MLXIPL: variants seen among roughly 807,000 people sequenced by gnomAD.
MLXIPL encodes the protein carbohydrate-responsive element-binding protein.
A neutral mutation model predicts 81.5 loss-of-function variants in MLXIPL; 49 were observed. That is an observed-to-expected ratio of 0.60 (90% CI 0.48 to 0.76). The LOEUF (loss-of-function observed/expected upper bound fraction) is 0.76, where lower values mean the gene tolerates loss of function less well. Ranked by LOEUF, MLXIPL falls within the 30% of genes least tolerant of loss-of-function variation. MLXIPL has a pLI of 0.00. For synonymous variants in MLXIPL, 466 were observed against 485.5 expected (o/e 0.96, Z 0.53); for missense variants, 1,053 against 1,167.0 (o/e 0.90, Z 1.42).
the MLXIPL span, among the ~76,000 whole-genome samples, chr7:73,643,058 A>T: frequency 1.3e-5 from 2 of 152,148 alleles, no homozygotes; most frequent in Non-Finnish European, 2.9e-5. Flanking sequence ...AGCCACAGTC[A>T]AAGACCACAA....
At chr7:73,644,957 G>A in the MLXIPL span, among the ~76,000 whole-genome samples, 1 of 152,180 alleles carries the variant, frequency 6.6e-6, no homozygotes, top group East Asian at 1.9e-4. Flanking sequence ...TAATGGGGCT[G>A]AATATGGGAC....
In MLXIPL at chr7:73,623,374, C is replaced by G. The variant is rs1168411038; in HGVS notation, c.293+826G>C. Among the ~76,000 whole-genome samples the G allele has an allele frequency of 6.6e-6, 1 of 152,216 alleles. No individual in the cohort carries two copies. Among genetic ancestry groups the G allele is most frequent in the Non-Finnish European group, 1.5e-5 (1 of 68,046 alleles). ...CCCCTCAACTCCGGGGAACTTTGCT[C>G]CAGGGCACTGGGCCAGGCCTCGGGT... is the stretch of plus-strand genomic sequence containing the variant. On this transcript the variant is annotated intron_variant, in intron 1 of 16. Transcript: ENST00000313375. This position sits in a 1 kb window ranked among gnomAD's most constrained non-coding sequence, Gnocchi z 5.7.
intron 1 of MLXIPL, among the ~76,000 whole-genome samples, chr7:73,621,726 GCTCC>G (rs1195918466): frequency 1.6e-4 from 4 of 24,582 alleles, no homozygotes; most frequent in Admixed American, 5.4e-4. Context: ...TCTCTCTCCA[GCTCC>G]CTCCCTCCCT....
the MLXIPL span, among the ~76,000 whole-genome samples, chr7:73,630,764 G>A: frequency 2.0e-5 from 3 of 152,166 alleles, no homozygotes; most frequent in Admixed American, 6.6e-5. Flanking sequence ...GATGTGGTAC[G>A]AGCAGACACT....
At chr7:73,604,600 A>G (rs1293577848) in intron 7 of MLXIPL, among the ~76,000 whole-genome samples, 3 of 152,016 alleles carry the variant, frequency 2.0e-5, no homozygotes, top group Non-Finnish European at 2.9e-5. Flanking sequence ...AAATAAAATA[A>G]AATAGAAACA....
chr7:73,607,556 G>C (rs782140366), intron 3 of MLXIPL, 34 bp downstream of exon 3: 16 of 1,605,818 alleles, frequency 1.0e-5, no homozygotes, highest in Non-Finnish European at 1.4e-5. Context: ...GTGGGCAGGT[G>C]GGCAGGTGGG....
At chr7:73,634,752 C>T in the MLXIPL span, among the ~76,000 whole-genome samples, 1 of 150,956 alleles carries the variant, frequency 6.6e-6, no homozygotes, top group Non-Finnish European at 1.5e-5. Flanking sequence ...AACGAAAAAC[C>T]CACTTTTCTT....
At chr7:73,601,844 A>G (rs1794850192) in intron 7 of MLXIPL, among the ~76,000 whole-genome samples, 1 of 151,936 alleles carries the variant, frequency 6.6e-6, no homozygotes, top group African/African-American at 2.4e-5. Context: ...GTGTGTCGTC[A>G]GTGGCTTTGC....
chr7:73,612,845 T>C (rs910295148), intron 2 of MLXIPL, among the ~76,000 whole-genome samples: 2 of 152,088 alleles, frequency 1.3e-5, no homozygotes, highest in Middle Eastern at 3.2e-3. Context: ...TTTGCACCTA[T>C]GCTGAGACAG....
At position 73,596,039 on chromosome 7, in the gene MLXIPL, G is replaced by C; in HGVS notation, c.2059-70C>G. On this transcript the variant is annotated intron_variant, in intron 13 of 16. Transcript: ENST00000313375. This position sits in a 1 kb window ranked among gnomAD's most constrained non-coding sequence, Gnocchi z 4.7. ...ACCCTGGGACCCACTGAGGCACTGG[G>C]ATGGGAGGAGGCAAGAGTGTCTGGA... 6.2e-7 allele frequency: 1 copy of C among 1,604,298 alleles called. No individual in the cohort carries two copies.
chr7:73,630,020 C>T, the MLXIPL span, among the ~76,000 whole-genome samples: 43 of 143,342 alleles, frequency 3.0e-4, no homozygotes, highest in Non-Finnish European at 4.6e-4. Flanking sequence ...ATTTATGAGA[C>T]GGAGTCTTGC....
At chr7:73,619,378 G>A (rs544396924) in intron 1 of MLXIPL, among the ~76,000 whole-genome samples, 26 of 151,006 alleles carry the variant, frequency 1.7e-4, no homozygotes, top group African/African-American at 5.3e-4. Context: ...GGAGAATGGC[G>A]TTAACCCGGG....
chr7:73,625,626 C>T (rs913605466), upstream of MLXIPL, among the ~76,000 whole-genome samples: 8 of 151,678 alleles, frequency 5.3e-5, no homozygotes, highest in Admixed American at 1.3e-4. Context: ...TGTGACGATG[C>T]GTGCTTGGCT....
At chr7:73,606,411 GTTTTCTTTTTCT>G in intron 5 of MLXIPL, 2 of 470,292 alleles carry the variant, frequency 4.3e-6, no homozygotes, top group Non-Finnish European at 7.5e-6. Flanking sequence ...TTTTTTGTTT[GTTTTCTTTTTCT>G]TTTTCTTTTT....
In MLXIPL at chr7:73,595,954, T is replaced by C; in HGVS notation, c.2074A>G (p.Thr692Ala). 7.4e-6 allele frequency: 12 copies of C among 1,612,988 alleles called. No homozygotes were observed. The highest frequency in any genetic ancestry group is 9.3e-6 in the Non-Finnish European group (11 of 1,179,994). ...ATGTACTCAGCTGTCTTCTGCAGCG[T>C]GGTAGCTTTGCTCACCTGCAGACGC... ...QPSLKVSKAT[T>A]LQKTAEYILM... Residue 692 changes from threonine (T) to alanine (A), a missense_variant, in exon 14 of 17, where the codon ACG becomes GCG. Thr to Ala is a moderately conservative substitution (Grantham distance 58). This residue lies in a region of MLXIPL where 823 missense variants were observed against 933.0 expected (regional missense o/e 0.88). Coordinates refer to ENST00000313375, the MANE Select transcript of MLXIPL (RefSeq NM_032951.3).
chr7:73,599,071 GAA>G (rs781997234), intron 8 of MLXIPL, among the ~76,000 whole-genome samples: 1,546 of 120,728 alleles, frequency 0.013, 25 homozygotes, highest in African/African-American at 0.041. Flanking sequence ...CTGTCTCAAA[GAA>G]AAAAAAAAAA....
Position 73,605,751 on chromosome 7 carries a change from C to G in MLXIPL, c.838G>C (p.Asp280His), listed in dbSNP as rs1554597763. 1 of 1,613,618 alleles carries G rather than the reference C, an allele frequency of 6.2e-7. No individual in the cohort carries two copies. Among genetic ancestry groups the G allele is most frequent in the Non-Finnish European group, 8.5e-7 (1 of 1,179,874 alleles). Residue 280 changes from aspartate to histidine, a missense_variant, in exon 7 of 17, where the codon GAC (aspartate) becomes CAC (histidine). Physicochemically the swap from Asp to His is moderately conservative, Grantham distance 81. Around this residue, in one of 3 missense-constraint regions of MLXIPL, gnomAD observed 823 missense variants for 933.0 expected, o/e 0.88. Coordinates refer to ENST00000313375, the MANE Select transcript of MLXIPL (RefSeq NM_032951.3). ...GGCGTCAGGTCCGGCTGGATCATGT[C>G]AGCATTGCCGACGTAGGCTGGAGGC... ...PPEDAYVGNA[D>H]MIQPDLTPLQ... is the part of the protein sequence containing the mutation.
chr7:73,625,550 A>T (rs1298515159), upstream of MLXIPL, among the ~76,000 whole-genome samples: 2 of 152,148 alleles, frequency 1.3e-5, no homozygotes, highest in African/African-American at 4.8e-5. Context: ...TGAGGCCAGG[A>T]GTTCGAAACC....
chr7:73,636,709 G>A, the MLXIPL span, among the ~76,000 whole-genome samples: 1 of 152,116 alleles, frequency 6.6e-6, no homozygotes, highest in Non-Finnish European at 1.5e-5. Context: ...ATTCTGTTAT[G>A]AGTTTGCAAC....
Sources: allele counts gnomAD v4.1 joint callset (sites outside exome capture counted in the v4.1 genomes callset), GRCh38; gene constraint gnomAD v4.1.1; regional missense constraint gnomAD v4.1.1; non-coding constraint Gnocchi (gnomAD v3.1); transcripts MANE v1.5; gene names NCBI Gene and HGNC (gene_info 2026-07-23, HGNC 2026-07-21).